Variants in WWOX observed in about 807,000 individuals in gnomAD.
WWOX encodes WW domain-containing oxidoreductase.
WWOX carries 69 observed loss-of-function variants against 46.2 expected under a neutral mutation model. The observed-to-expected ratio is 1.49, with a 90% CI of 1.23 to 1.82. The LOEUF (loss-of-function observed/expected upper bound fraction) is 1.82, where lower values mean the gene tolerates loss of function less well. WWOX is among the 40% of genes most tolerant of loss of function. WWOX has a pLI of 0.00. For missense variants in WWOX, 919 were observed against 542.6 expected (o/e 1.69, Z -6.89); for synonymous variants, 359 against 202.6 (o/e 1.77, Z -6.56).
intron 8 of WWOX, among the ~76,000 whole-genome samples, chr16:78,655,320 A>G (rs2047056283): frequency 6.6e-6 from 1 of 152,206 alleles, no homozygotes; most frequent in South Asian, 2.1e-4. Flanking sequence ...GCTACCGAGC[A>G]GTGCCTGTCC....
chr16:79,023,902 G>T (rs373076777), intron 8 of WWOX, among the ~76,000 whole-genome samples: 15 of 152,190 alleles, frequency 9.9e-5, no homozygotes, highest in African/African-American at 3.1e-4. Flanking sequence ...GTTGCAGTGA[G>T]ACAAGATTGT....
At chr16:78,935,088 A>G (rs1219260439) in intron 8 of WWOX, among the ~76,000 whole-genome samples, 1 of 152,226 alleles carries the variant, frequency 6.6e-6, no homozygotes, top group African/African-American at 2.4e-5. Flanking sequence ...GGTGATCATT[A>G]AAAAGTCAGG....
At chr16:78,129,214 G>T (rs557228966) in intron 4 of WWOX, among the ~76,000 whole-genome samples, 1 of 152,134 alleles carries the variant, frequency 6.6e-6, no homozygotes, top group African/African-American at 2.4e-5. Flanking sequence ...GGAGGGATTT[G>T]GGAAAGCTAG....
chr16:78,882,685 C>T (rs1037559444), intron 8 of WWOX, among the ~76,000 whole-genome samples: 3 of 152,046 alleles, frequency 2.0e-5, no homozygotes, highest in African/African-American at 7.2e-5. Context: ...ACAGGGGTTT[C>T]ACCTTGCTGG....
chr16:79,100,085 C>T (rs2049161215), intron 8 of WWOX, among the ~76,000 whole-genome samples: 1 of 152,154 alleles, frequency 6.6e-6, no homozygotes, highest in African/African-American at 2.4e-5. Context: ...AGATTATCTC[C>T]CTTCCTAAAA....
chr16:78,833,472 A>G (rs1388197208), intron 8 of WWOX, among the ~76,000 whole-genome samples: 2 of 151,600 alleles, frequency 1.3e-5, no homozygotes, highest in Non-Finnish European at 2.9e-5. Flanking sequence ...CTCCTTCCTC[A>G]TCATTGTCCT....
chr16:78,232,440 C>T (rs974585688), intron 5 of WWOX, among the ~76,000 whole-genome samples: 1 of 152,110 alleles, frequency 6.6e-6, no homozygotes, highest in East Asian at 1.9e-4. Flanking sequence ...TTGTGAACTT[C>T]TTTATGCTAG....
chr16:78,632,071 A>C (rs1166143381), intron 8 of WWOX, among the ~76,000 whole-genome samples: 1 of 152,202 alleles, frequency 6.6e-6, no homozygotes, highest in Non-Finnish European at 1.5e-5. Flanking sequence ...TGAAATCCAG[A>C]AACTGGAGAC....
rs1026062535 is a variant in WWOX at position 78,545,890 on chromosome 16, A to T, written c.1056+113138A>T. ...TGTCTCTTCCTCCTCTTATAAGGACACCAGTCCTCTTGGATTAGGGCACCA... is the reference window on the plus strand; with the variant it reads ...TGTCTCTTCCTCCTCTTATAAGGACTCCAGTCCTCTTGGATTAGGGCACCA... On this transcript the variant is annotated intron_variant, in intron 8 of 8. Coordinates refer to ENST00000566780, the MANE Select transcript of WWOX (RefSeq NM_016373.4). Among the ~76,000 whole-genome samples, 3 of 152,078 alleles carry T rather than the reference A, an allele frequency of 2.0e-5. No individual in the cohort carries two copies. The East Asian group carries it at 5.8e-4, about 30-fold the overall frequency.
chr16:79,198,111 G>A (rs1007739195), intron 8 of WWOX, among the ~76,000 whole-genome samples: 2 of 151,728 alleles, frequency 1.3e-5, no homozygotes, highest in Admixed American at 6.6e-5. Flanking sequence ...GATCACCTGA[G>A]GACAGGAGTT....
intron 3 of WWOX, among the ~76,000 whole-genome samples, chr16:78,110,339 CAAAAAAAAAAAA>C (rs34862048): frequency 1.2e-5 from 1 of 85,706 alleles, no homozygotes; most frequent in African/African-American, 4.9e-5. Context: ...GACTCCTTCT[CAAAAAAAAAAAA>C]AAAAAAAAAA....
chr16:78,426,007 C>T (rs754196821), intron 7 of WWOX, among the ~76,000 whole-genome samples: 1 of 152,196 alleles, frequency 6.6e-6, no homozygotes, highest in Admixed American at 6.5e-5. Flanking sequence ...TAGCTTGAAC[C>T]CTTTATCACT....
At chr16:78,788,916 A>G (rs1343563929) in intron 8 of WWOX, among the ~76,000 whole-genome samples, 5 of 152,186 alleles carry the variant, frequency 3.3e-5, no homozygotes, top group Non-Finnish European at 5.9e-5. Context: ...CCTGCTTAGT[A>G]TGTGGGGAAA....
chr16:78,486,284 G>A (rs1298073101), intron 8 of WWOX, among the ~76,000 whole-genome samples: 1 of 152,168 alleles, frequency 6.6e-6, no homozygotes, highest in Non-Finnish European at 1.5e-5. Flanking sequence ...TTTTATGTAT[G>A]TAAAGTATTT....
intron 8 of WWOX, among the ~76,000 whole-genome samples, chr16:79,137,624 A>T (rs1433822304): frequency 6.6e-6 from 1 of 152,106 alleles, no homozygotes; most frequent in Non-Finnish European, 1.5e-5. Context: ...ACCTGCCATC[A>T]TGGAAAAAAA....
chr16:78,796,493 G>C lies in WWOX; in HGVS notation c.1056+363741G>C, dbSNP rs1056731537. 3.3e-5 allele frequency among the ~76,000 whole-genome samples: 5 copies of C among 152,354 alleles called. No homozygotes were observed. In the East Asian group the frequency reaches 9.6e-4, roughly 29 times the overall value. On this transcript the variant is annotated intron_variant, in intron 8 of 8. Transcript: ENST00000566780. The stretch of plus-strand genomic sequence containing the variant: ...AAGGGATTCTGGGAAATGTAGTCTG[G>C]TGATGCCTCGAGGAGGCAAGAGAAA...
chr16:78,138,995 C>T (rs1452938726), intron 4 of WWOX, among the ~76,000 whole-genome samples: 1 of 152,154 alleles, frequency 6.6e-6, no homozygotes, highest in African/African-American at 2.4e-5. Context: ...TTGAAACCTT[C>T]ATGGTTTGTT....
At chr16:78,412,662 T>C (rs1224859376) in intron 6 of WWOX, among the ~76,000 whole-genome samples, 8 of 152,276 alleles carry the variant, frequency 5.3e-5, no homozygotes, top group Non-Finnish European at 8.8e-5. Flanking sequence ...AGCAGGATCC[T>C]CTGCAACAGG....
intron 8 of WWOX, among the ~76,000 whole-genome samples, chr16:79,069,172 C>T (rs1024323861): frequency 7.2e-5 from 11 of 152,190 alleles, no homozygotes; most frequent in Non-Finnish European, 1.5e-4. Flanking sequence ...AAGGTAAATG[C>T]ACCTGGGTAT....
Sources: allele counts gnomAD v4.1 joint callset (sites outside exome capture counted in the v4.1 genomes callset), GRCh38; gene constraint gnomAD v4.1.1; transcripts MANE v1.5; gene names NCBI Gene and HGNC (gene_info 2026-07-23, HGNC 2026-07-21).